FLCN: variants seen among roughly 807,000 people sequenced by gnomAD.
FLCN encodes the protein BHD skin lesion fibrofolliculoma protein.
FLCN carries 22 observed loss-of-function variants against 62.5 expected under a neutral mutation model. That is an observed-to-expected ratio of 0.35 (90% CI 0.25 to 0.50). The LOEUF is 0.50. Among genes scored for constraint, FLCN ranks in the 20% least tolerant of loss-of-function variants. The pLI, the probability that FLCN is intolerant of heterozygous loss-of-function variation, is 0.97. For missense variants in FLCN, 657 were observed against 778.0 expected, an observed-to-expected ratio of 0.84 and a Z score of 1.85; for synonymous variants, 319 against 310.0, an observed-to-expected ratio of 1.03 and a Z score of -0.30.
In FLCN at chr17:17,223,963, C is replaced by G. The variant is rs2144972922; in HGVS notation, c.577G>C (p.Val193Leu). ...TGGAGCTCATCGATGATTCCCCGGA[C>G]CTTCCCCAGCAGGAAGGGCCAGGAG... ...INSWPFLLGK[V>L]RGIIDELQGK... Residue 193 changes from valine to leucine, a missense_variant, in exon 6 of 14, where the codon GTC becomes CTC. Val to Leu is a conservative substitution (Grantham distance 32). Coordinates refer to ENST00000285071, the MANE Select transcript of FLCN (RefSeq NM_144997.7). 1.9e-6 allele frequency: 3 copies of G among 1,613,514 alleles called. No homozygotes were observed. In the South Asian group the frequency reaches 3.3e-5, roughly 18 times the overall value.
chr17:17,224,692 C>T (rs116475422), intron 5 of FLCN: 5,315 of 167,250 alleles, frequency 0.032, 133 homozygotes, highest in African/African-American at 0.071. Flanking sequence ...TGTGCCACCA[C>T]GCCTGGCTAA....
chr17:17,216,989 C>T lies in FLCN; in HGVS notation c.1176+80G>A. 4 of 1,046,538 alleles carry T rather than the reference C, an allele frequency of 3.8e-6. No homozygotes were observed. The highest frequency in any genetic ancestry group is 4.5e-6 in the Non-Finnish European group (3 of 671,592). The allele number at this position is 1,046,538 out of a possible 1,614,324, so 64.8% of individuals were successfully genotyped here. On this transcript the variant is annotated intron_variant, in intron 10 of 13. Transcript: ENST00000285071. The surrounding 1 kb of genome is among the most constrained non-coding windows in gnomAD (Gnocchi z 4.0). ...GCGGTTCTGTGCTGGGCAGTCGGTG[C>T]ACCTTGGCATCCCCACCTGACGCCA...
intron 9 of FLCN, 191 bp from the exon 10 acceptor site, chr17:17,217,373 T>G (rs766408208): frequency 1.6e-5 from 10 of 620,596 alleles, no homozygotes; most frequent in Non-Finnish European, 2.3e-5. Context: ...GTTCCAGGTT[T>G]GCACATAAAT....
chr17:17,233,357 G>A (rs958909016), intron 1 of FLCN, among the ~76,000 whole-genome samples: 4 of 152,012 alleles, frequency 2.6e-5, no homozygotes, highest in Admixed American at 2.6e-4. Flanking sequence ...CGGCACTTTG[G>A]GAGGCCGAGG....
rs1025567379 is a variant in FLCN at position 17,228,076 on chromosome 17, C to T, written c.62G>A (p.Cys21Tyr). ...CELHGPRTLF[C>Y]TEVLHAPLPQ... Reference sequence around the variant, plus strand: ...AAGTGGGGCGTGCAGCACCTCCGTGCAGAAGAGAGTGCGGGGGCCGTGGAG... The same window carrying T: ...AAGTGGGGCGTGCAGCACCTCCGTGTAGAAGAGAGTGCGGGGGCCGTGGAG... The change falls in exon 4 of 14, where the codon TGC (cysteine) becomes TAC (tyrosine). Residue 21 changes from cysteine to tyrosine, a missense_variant. Transcript: ENST00000285071. The T allele has an allele frequency of 9.9e-6, 16 of 1,613,656 alleles. 1 individual carries two copies. The Admixed American group carries it at 2.7e-4, about 27-fold the overall frequency.
chr17:17,227,786 AGTCTGTGTC>A, intron 4 of FLCN, 94 bp downstream of exon 4: 5 of 1,515,972 alleles, frequency 3.3e-6, no homozygotes, highest in Non-Finnish European at 4.6e-6. Flanking sequence ...CCTGAGAAGC[AGTCTGTGTC>A]ACCCCGGGAG....
intron 8 of FLCN, chr17:17,219,686 C>T: frequency 6.1e-6 from 1 of 164,018 alleles, no homozygotes; most frequent in East Asian, 1.8e-4. Context: ...TCTTCTGCCC[C>T]AGCCTCCCAA....
rs572265105 is a variant in FLCN, at chr17:17,215,879, T to C, written c.1300+501A>G. On this transcript the variant is annotated intron_variant, in intron 11 of 13. Transcript: ENST00000285071. ...AGCCTGGGGGGCTGATCCCTGGACATCCCCAAACCAAAAGACCAGGGGTTT... is the reference window on the plus strand; with the variant it reads ...AGCCTGGGGGGCTGATCCCTGGACACCCCCAAACCAAAAGACCAGGGGTTT... Among the ~76,000 whole-genome samples the C allele has an allele frequency of 4.6e-5, 7 of 152,048 alleles. No individual in the cohort carries two copies. The South Asian group carries it at 1.2e-3, about 27-fold the overall frequency.
In FLCN at chr17:17,216,343, C is replaced by T. The variant is rs747053207; in HGVS notation, c.1300+37G>A. 8.1e-6 allele frequency: 13 copies of T among 1,611,564 alleles called. No homozygotes were observed. In the East Asian group the frequency reaches 1.3e-4, roughly 17 times the overall value. On this transcript the variant is annotated intron_variant, in intron 11 of 13. Coordinates refer to ENST00000285071, the MANE Select transcript of FLCN (RefSeq NM_144997.7). The surrounding 1 kb of genome is among the most constrained non-coding windows in gnomAD (Gnocchi z 4.0). ...GGGCCTGAGGCGTGGGGAACCTCAG[C>T]GCAGGGCATGGCCCCACAGCCCGCG...
chr17:17,227,095 AG>A (rs1439168296), intron 4 of FLCN, among the ~76,000 whole-genome samples: 1 of 152,194 alleles, frequency 6.6e-6, no homozygotes, highest in Admixed American at 6.5e-5. Flanking sequence ...CAATGGATGC[AG>A]CTCTTACACG....
intron 1 of FLCN, among the ~76,000 whole-genome samples, chr17:17,233,141 T>C (rs2047471459): frequency 1.3e-5 from 2 of 152,146 alleles, no homozygotes; most frequent in South Asian, 2.1e-4. Context: ...CAAGGATCTC[T>C]GTATTTATTT....
intron 11 of FLCN, among the ~76,000 whole-genome samples, chr17:17,215,725 G>A (rs375422394): frequency 4.0e-4 from 61 of 152,228 alleles, no homozygotes; most frequent in African/African-American, 1.3e-3. Flanking sequence ...AATGCTACCC[G>A]GAAAAAAGGC....
rs7224474 is a variant in FLCN at position 17,213,299 on chromosome 17, C to T, written c.*356G>A. On this transcript the variant is annotated 3_prime_UTR_variant, in exon 14 of 14. Transcript: ENST00000285071. ...AACCTCGGGAGCAGACATGTTATTG[C>T]GACTGCATACTGAGTCGGACCTGTT... 2.4e-5 allele frequency: 11 copies of T among 454,592 alleles called. No homozygotes were observed. Among genetic ancestry groups the T allele is most frequent in the South Asian group, 1.2e-4 (5 of 42,114 alleles). The allele number at this position is 454,592 out of a possible 1,614,324, so 28.2% of individuals were successfully genotyped here. A position where few individuals can be genotyped will look rare whatever the true frequency, so the allele number is the denominator to read the frequency against.
chr17:17,217,428 G>C (rs1450932333), intron 9 of FLCN: 1 of 562,688 alleles, frequency 1.8e-6, no homozygotes, highest in Admixed American at 3.1e-5. Context: ...TCCCAGTTTT[G>C]TTTTTAAAAA....
intron 3 of FLCN, 96 bp from the exon 4 acceptor site, chr17:17,228,257 T>C: frequency 6.9e-7 from 1 of 1,453,952 alleles, no homozygotes; most frequent in Non-Finnish European, 9.2e-7. Flanking sequence ...CTGGGTGCCA[T>C]GGACTTCCTG....
chr17:17,222,527 C>T lies in FLCN; in HGVS notation c.753G>A (p.Trp251Ter). The T allele has an allele frequency of 6.2e-7, 1 of 1,614,234 alleles. No homozygotes were observed. Among genetic ancestry groups the T allele is most frequent in the South Asian group, 1.1e-5 (1 of 91,090 alleles). The stretch of plus-strand genomic sequence containing the variant: ...AGGCAAAGGAGGTGTGCAGGCACGC[C>T]CACAGGTTGTCATCACTTGTCAGCG... ...LTSLTSDDNLWACLHTSFAWL... is the reference protein window; with the variant it reads ...LTSLTSDDNL Residue 251 changes from tryptophan (W) to a stop codon, truncating the protein, a stop_gained, in exon 7 of 14, where the codon TGG becomes TGA. Coordinates refer to ENST00000285071, the MANE Select transcript of FLCN (RefSeq NM_144997.7). LOFTEE classifies it high-confidence loss of function.
Position 17,234,429 on chromosome 17 carries a change from C to T in FLCN, c.-227-1528G>A, listed in dbSNP as rs1212563694. Reference sequence around the variant, plus strand: ...GTTTCGCCATGTTAGCCAGGCTGGTCTTGAACTCCTGACCTCAGGTGATTC... The same window carrying T: ...GTTTCGCCATGTTAGCCAGGCTGGTTTTGAACTCCTGACCTCAGGTGATTC... On this transcript the variant is annotated intron_variant, in intron 1 of 13. Transcript: ENST00000285071. 7.3e-5 allele frequency among the ~76,000 whole-genome samples: 11 copies of T among 151,332 alleles called. No homozygotes were observed. In the East Asian group the frequency reaches 2.0e-3, roughly 28 times the overall value.
intron 1 of FLCN, among the ~76,000 whole-genome samples, chr17:17,234,942 T>C (rs982635969): frequency 7.2e-5 from 11 of 151,924 alleles, no homozygotes; most frequent in Non-Finnish European, 1.3e-4. Flanking sequence ...AAACCCCGTC[T>C]CTACTAAAAA....
chr17:17,219,181 G>T lies in FLCN; in HGVS notation c.900C>A (p.Asp300Glu). 6.2e-7 allele frequency: 1 copy of T among 1,614,146 alleles called. No homozygotes were observed. Among genetic ancestry groups the T allele is most frequent in the Non-Finnish European group, 8.5e-7 (1 of 1,180,040 alleles). The change falls in exon 9 of 14, where the codon GAC becomes GAA. Residue 300 changes from aspartate (D) to glutamate (E), a missense_variant. Transcript: ENST00000285071. ...TCTCCTCCTCTTCAGCCTCAGAGTT[G>T]TCCCAGCTTTCTGATTCCTCTTCTA... ...ADLEEESESWDNSEAEEEEKA... is the reference protein window; with the variant it reads ...ADLEEESESWENSEAEEEEKA...
Sources: gnomAD v4.1 joint callset for allele counts (sites outside exome capture counted in the v4.1 genomes callset) on GRCh38, gnomAD v4.1.1 for gene constraint, Gnocchi (gnomAD v3.1) non-coding constraint, MANE v1.5 for transcripts, NCBI Gene and HGNC (gene_info 2026-07-23, HGNC 2026-07-21) for gene names.